The following ITIH1 variants were observed in gnomAD, a reference collection of about 807,000 sequenced individuals.
The protein encoded by ITIH1 is inter-alpha-trypsin inhibitor heavy chain 1, also known as inter-alpha-trypsin inhibitor heavy chain H1.
A neutral mutation model predicts 104.6 loss-of-function variants in ITIH1; 94 were observed. That is an observed-to-expected ratio of 0.90 (90% CI 0.76 to 1.07). ITIH1 has a LOEUF of 1.07. Among genes scored for constraint, ITIH1 ranks in the 50% least tolerant of loss-of-function variants. ITIH1 has a pLI of 0.00. For missense variants in ITIH1, 1,193 were observed against 1,181.4 expected (o/e 1.01, Z -0.14); for synonymous variants, 455 against 464.4 (o/e 0.98, Z 0.26).
Position 52,788,352 on chromosome 3 carries a change from C to T in ITIH1, c.2119+7C>T, listed in dbSNP as rs371509769. On this transcript the variant is annotated splice_region_variant and intron_variant, in intron 18 of 21. Transcript: ENST00000273283. ...GTACAGGACCCCAACACAGGTATGG[C>T]GGGCATCACACCTCTGCCAGACAGG... 41 of 1,542,346 alleles carry T rather than the reference C, an allele frequency of 2.7e-5. No homozygotes were observed. The highest frequency in any genetic ancestry group is 6.8e-5 in the African/African-American group (5 of 73,650).
chr3:52,785,108 C>CT lies in ITIH1; in HGVS notation c.1473dup (p.Val492CysfsTer10). The stretch of plus-strand genomic sequence containing the variant: ...GTGGATTTGCAGTACCCCCAGGATG[C>CT]TGTCTTGGCCCTGACCCAGAACCAC... On this transcript the variant is annotated frameshift_variant, in exon 12 of 22. Transcript: ENST00000273283. LOFTEE classifies it high-confidence loss of function. The CT allele has an allele frequency of 6.2e-7, 1 of 1,614,156 alleles. No homozygotes were observed. The highest frequency in any genetic ancestry group is 8.5e-7 in the Non-Finnish European group (1 of 1,180,014).
chr3:52,782,642 G>A (rs1161218692), intron 8 of ITIH1, among the ~76,000 whole-genome samples: 1 of 152,204 alleles, frequency 6.6e-6, no homozygotes, highest in African/African-American at 2.4e-5. Context: ...GGAGTGCCCT[G>A]TCCATGGTGC....
chr3:52,787,733 C>T, intron 16 of ITIH1, 121 bp downstream of exon 16: 2 of 1,222,824 alleles, frequency 1.6e-6, no homozygotes, highest in East Asian at 2.3e-5. Context: ...TAGAACAGAC[C>T]TCTGAACAGC....
At chr3:52,784,960 T>A in intron 11 of ITIH1, 84 bp from the exon 12 acceptor site, 1 of 1,395,046 alleles carries the variant, frequency 7.2e-7, no homozygotes. Context: ...AACTTGGGAA[T>A]TCCCAACACT....
intron 18 of ITIH1, among the ~76,000 whole-genome samples, chr3:52,789,197 CA>C (rs1208280090): frequency 6.6e-6 from 1 of 152,156 alleles, no homozygotes; most frequent in Non-Finnish European, 1.5e-5. Flanking sequence ...GGAAGACAAA[CA>C]GGTGAACATT....
At chr3:52,782,296 A>T (rs1215749672) in intron 8 of ITIH1, 29 bp downstream of exon 8, 1 of 1,553,948 alleles carries the variant, frequency 6.4e-7, no homozygotes, top group East Asian at 2.2e-5. Flanking sequence ...CAGCTCACCC[A>T]GCAGAAGCTT....
At chr3:52,785,753 C>T (rs1699181313) in intron 12 of ITIH1, among the ~76,000 whole-genome samples, 1 of 152,200 alleles carries the variant, frequency 6.6e-6, no homozygotes, top group Non-Finnish European at 1.5e-5. Flanking sequence ...TCCATCCTGA[C>T]CAGCTGGGCA....
intron 6 of ITIH1, 132 bp from the exon 7 acceptor site, chr3:52,781,808 G>C: frequency 8.9e-7 from 1 of 1,117,626 alleles, no homozygotes; most frequent in South Asian, 1.5e-5. Context: ...TGAGTGAGTG[G>C]CCCACCGAAC....
Position 52,779,432 on chromosome 3 carries a change from G to T in ITIH1, c.411G>T (p.Arg137Ser). 1 of 1,614,208 alleles carries T rather than the reference G, an allele frequency of 6.2e-7. No homozygotes were observed. The highest frequency in any genetic ancestry group is 8.5e-7 in the Non-Finnish European group (1 of 1,180,034). Residue 137 changes from arginine (R) to serine (S), a missense_variant and splice_region_variant, in exon 5 of 22, where the codon AGG becomes AGT. Physicochemically the swap from Arg to Ser is moderately radical, Grantham distance 110. Coordinates refer to ENST00000273283, the MANE Select transcript of ITIH1 (RefSeq NM_002215.4). This position sits in a 1 kb window ranked among gnomAD's most constrained non-coding sequence, Gnocchi z 4.4. ...AISGENAGLV[R>S]ASGRTMEQFT... ...CTGTTGCCTCTGGTGGCACATCCAG[G>T]GCCTCGGGGAGAACTATGGAGCAAT...
chr3:52,784,962 C>A, intron 11 of ITIH1, 82 bp from the exon 12 acceptor site: 1 of 1,424,264 alleles, frequency 7.0e-7, no homozygotes, highest in Non-Finnish European at 9.8e-7. Flanking sequence ...CTTGGGAATT[C>A]CCAACACTCC....
chr3:52,789,678 T>C lies in ITIH1; in HGVS notation c.2145T>C (p.Ile715=). ...NTGFSVNGQL[I]GNKARSPGQH... ...GCTTCTCAGTGAATGGACAGCTCAT[T>C]GGCAACAAGGCCAGGAGCCCTGGGC... is the stretch of plus-strand genomic sequence containing the variant. Residue 715 remains isoleucine, a synonymous_variant, in exon 19 of 22, where the codon ATT becomes ATC. Transcript: ENST00000273283. The C allele has an allele frequency of 8.1e-6, 13 of 1,614,136 alleles. No individual in the cohort carries two copies. The highest frequency in any genetic ancestry group is 1.1e-5 in the Non-Finnish European group (13 of 1,180,030).
Position 52,785,229 on chromosome 3 carries a change from G to A in ITIH1, c.1593G>A (p.Gly531=), listed in dbSNP as rs1368735634. The A allele has an allele frequency of 1.9e-6, 3 of 1,613,592 alleles. No homozygotes were observed. In the East Asian group the frequency reaches 6.7e-5, roughly 36 times the overall value. The change falls in exon 12 of 22, where the codon GGG becomes GGA. Residue 531 remains glycine, a splice_region_variant and synonymous_variant. Coordinates refer to ENST00000273283, the MANE Select transcript of ITIH1 (RefSeq NM_002215.4). ...TCAAGGCTGATGTGCAGGCCCATGG[G>A]GTAAATGGTGGGCCATGGAGGGTGG... ...SSFKADVQAH[G]EGQEFSITCL...
chr3:52,783,117 T>C lies in ITIH1; in HGVS notation c.1091T>C (p.Leu364Pro), dbSNP rs1331893452. The change falls in exon 9 of 22, where the codon CTG (leucine) becomes CCG (proline). Residue 364 changes from leucine to proline, a missense_variant. Physicochemically the swap from Leu to Pro is moderately conservative, Grantham distance 98. Coordinates refer to ENST00000273283, the MANE Select transcript of ITIH1 (RefSeq NM_002215.4). ...AAQDFVRGFS[L>P]DEATNLNGGL... The stretch of plus-strand genomic sequence containing the variant: ...CAAGACTTTGTGCGGGGCTTTTCCC[T>C]GGATGAGGGTAAGGGTGGGGGTCTC... 6 of 1,613,920 alleles carry C rather than the reference T, an allele frequency of 3.7e-6. No individual in the cohort carries two copies. The South Asian group carries it at 5.5e-5, about 15-fold the overall frequency.
intron 16 of ITIH1, 55 bp downstream of exon 16, chr3:52,787,667 C>T: frequency 6.3e-7 from 1 of 1,588,478 alleles, no homozygotes; most frequent in East Asian, 2.2e-5. Flanking sequence ...GATGATCACC[C>T]CGTTGGCTTT....
In ITIH1 at chr3:52,782,174, C is replaced by T. The variant is rs1699075877; in HGVS notation, c.837C>T (p.His279=). ...AGGTGGCCAATAACCACTTTGCCCA[C>T]TTCTTTGCCCCCCAAAACCTGACAA... ...DLLVANNHFA[H]FFAPQNLTNM... Residue 279 remains histidine (H), a synonymous_variant, in exon 8 of 22, where the codon CAC becomes CAT. Transcript: ENST00000273283. The T allele has an allele frequency of 1.9e-6, 3 of 1,614,092 alleles. No homozygotes were observed. The highest frequency in any genetic ancestry group is 1.1e-5 in the South Asian group (1 of 91,086).
At chr3:52,791,295 C>T (rs1167402191) in intron 20 of ITIH1, among the ~76,000 whole-genome samples, 2 of 152,092 alleles carry the variant, frequency 1.3e-5, no homozygotes, top group Non-Finnish European at 2.9e-5. Context: ...AGACAGATCC[C>T]GTTTTAAAAG....
At position 52,779,131 on chromosome 3, in the gene ITIH1, G is replaced by C. The variant is rs960420704; in HGVS notation, c.410+85G>C. ...TGATGGCTGCAAGGTGGCTTTAGTG[G>C]AGAACAGCCCAGGATGATGGAAGGG... On this transcript the variant is annotated intron_variant, in intron 4 of 21. Transcript: ENST00000273283. The surrounding 1 kb of genome is among the most constrained non-coding windows in gnomAD (Gnocchi z 4.4). 1.0e-6 allele frequency: 1 copy of C among 975,314 alleles called. No homozygotes were observed. The highest frequency in any genetic ancestry group is 1.6e-5 in the African/African-American group (1 of 62,772). The allele number at this position is 975,314 out of a possible 1,614,324, so 60.4% of individuals were successfully genotyped here. A position where few individuals can be genotyped will look rare whatever the true frequency, so the allele number is the denominator to read the frequency against.
Position 52,786,204 on chromosome 3 carries a change from C to A in ITIH1, c.1594-91C>A, listed in dbSNP as rs568458497. On this transcript the variant is annotated intron_variant, in intron 12 of 21. Transcript: ENST00000273283. ...GATGCTGAGGACGAAGCTGCAGATA[C>A]CAGACGAAATGGGCCCCTCAGAGCC... The A allele has an allele frequency of 9.3e-5, 122 of 1,314,140 alleles. 2 individuals carry two copies. In the South Asian group the frequency reaches 1.5e-3, roughly 16 times the overall value. 81.4% of individuals were successfully genotyped at this position (1,314,140 alleles called of 1,614,324 possible). A position where few individuals can be genotyped will look rare whatever the true frequency, so the allele number is the denominator to read the frequency against.
chr3:52,784,540 C>T (rs1699150346), intron 11 of ITIH1, 63 bp downstream of exon 11: 21 of 1,522,734 alleles, frequency 1.4e-5, no homozygotes, highest in South Asian at 8.4e-5. Context: ...CCTTGGTGGC[C>T]GTTTGCCCAT....
Sources: gnomAD v4.1 joint callset for allele counts (sites outside exome capture counted in the v4.1 genomes callset) on GRCh38, gnomAD v4.1.1 for gene constraint, Gnocchi (gnomAD v3.1) non-coding constraint, MANE v1.5 for transcripts, NCBI Gene and HGNC (gene_info 2026-07-23, HGNC 2026-07-21) for gene names.